Variants in FAM200B observed in about 807,000 individuals in gnomAD.
The protein encoded by FAM200B is protein FAM200B.
Under a neutral mutation model 33.1 loss-of-function variants are expected in FAM200B, and 32 were observed. That is an observed-to-expected ratio of 0.97 (90% CI 0.73 to 1.30). The LOEUF is 1.30. FAM200B is among the 50% of genes most tolerant of loss of function. FAM200B has a pLI of 0.00. For synonymous variants in FAM200B, 240 were observed against 264.8 expected, an observed-to-expected ratio of 0.91 and a Z score of 0.91; for missense variants, 741 against 754.0, an observed-to-expected ratio of 0.98 and a Z score of 0.20.
the FAM200B span, among the ~76,000 whole-genome samples, chr4:15,645,409 C>G: frequency 6.6e-6 from 1 of 151,978 alleles, no homozygotes; most frequent in East Asian, 1.9e-4. Flanking sequence ...AACTGTGTAA[C>G]CCTGGGTAAG....
chr4:15,651,575 G>C, the FAM200B span, among the ~76,000 whole-genome samples: 1 of 152,076 alleles, frequency 6.6e-6, no homozygotes, highest in Non-Finnish European at 1.5e-5. Context: ...CAGGTATGCA[G>C]AAAAATGGCG....
At position 15,689,723 on chromosome 4, in the gene FAM200B, T is replaced by C. The variant is rs1281370086; in HGVS notation, c.*772T>C. 6.2e-6 allele frequency: 1 copy of C among 160,378 alleles called. No individual in the cohort carries two copies. Among genetic ancestry groups the C allele is most frequent in the Non-Finnish European group, 1.5e-5 (1 of 68,102 alleles). 9.9% of individuals were successfully genotyped at this position (160,378 alleles called of 1,614,324 possible). On this transcript the variant is annotated 3_prime_UTR_variant, in exon 2 of 2. Transcript: ENST00000422728. ...CCTCAGGAGTTTGAAGTTGCAGTCA[T>C]CTATGATTGCACCACTGCAGTCCAG...
rs1033332143 is a variant in FAM200B at position 15,688,601 on chromosome 4, G to A, written c.1624G>A (p.Ala542Thr). Residue 542 changes from alanine to threonine, a missense_variant, in exon 2 of 2, where the codon GCT becomes ACT. Coordinates refer to ENST00000422728, the MANE Select transcript of FAM200B (RefSeq NM_001145191.2). ...RENSWVKDPF[A>T]FRHPESIIEL... The stretch of plus-strand genomic sequence containing the variant: ...AAACAGTTGGGTAAAAGATCCATTT[G>A]CTTTTCGACACCCTGAATCAATAAT... 3.9e-6 allele frequency: 6 copies of A among 1,551,032 alleles called. No individual in the cohort carries two copies. In the African/African-American group the frequency reaches 4.1e-5, roughly 11 times the overall value.
chr4:15,650,257 T>C, the FAM200B span, among the ~76,000 whole-genome samples: 3 of 152,370 alleles, frequency 2.0e-5, no homozygotes, highest in South Asian at 4.1e-4. Context: ...TAAGAAATGT[T>C]GCTCTAGAAA....
At chr4:15,672,957 G>A in the FAM200B span, among the ~76,000 whole-genome samples, 1 of 151,758 alleles carries the variant, frequency 6.6e-6, no homozygotes, top group Non-Finnish European at 1.5e-5. Flanking sequence ...CTTACACAGG[G>A]TCACAATCAA....
chr4:15,661,426 T>C, the FAM200B span, among the ~76,000 whole-genome samples: 2 of 152,224 alleles, frequency 1.3e-5, no homozygotes, highest in South Asian at 4.1e-4. Flanking sequence ...GCACTAAATG[T>C]TAGCTATTTT....
chr4:15,653,999 T>A, the FAM200B span, among the ~76,000 whole-genome samples: 1 of 152,256 alleles, frequency 6.6e-6, no homozygotes, highest in East Asian at 1.9e-4. Flanking sequence ...GTGAACTGGG[T>A]GTTTCTAAAT....
chr4:15,677,767 G>A (rs1477949282), upstream of FAM200B, among the ~76,000 whole-genome samples: 1 of 152,150 alleles, frequency 6.6e-6, no homozygotes, highest in African/African-American at 2.4e-5. Context: ...TAAATATAGT[G>A]CTTTCCTAAG....
chr4:15,687,876 C>T lies in FAM200B; in HGVS notation c.899C>T (p.Ala300Val). The change falls in exon 2 of 2, where the codon GCA (alanine) becomes GTA (valine). Residue 300 changes from alanine (A) to valine (V), a missense_variant. Coordinates refer to ENST00000422728, the MANE Select transcript of FAM200B (RefSeq NM_001145191.2). Reference protein sequence around the residue: ...NCKGITSDGTATMTGKHSRVI... With the variant: ...NCKGITSDGTVTMTGKHSRVI... ...AAAGGAATTACAAGTGATGGCACAG[C>T]AACCATGACTGGAAAACATAGCAGA... is the stretch of plus-strand genomic sequence containing the variant. 1 of 1,551,120 alleles carries T rather than the reference C, an allele frequency of 6.4e-7. No homozygotes were observed. The highest frequency in any genetic ancestry group is 8.7e-7 in the Non-Finnish European group (1 of 1,146,600).
At chr4:15,661,541 A>G in the FAM200B span, among the ~76,000 whole-genome samples, 1 of 152,234 alleles carries the variant, frequency 6.6e-6, no homozygotes, top group Non-Finnish European at 1.5e-5. Context: ...TCTTTAGGTT[A>G]ATTCTACAAA....
At chr4:15,657,106 C>G in the FAM200B span, among the ~76,000 whole-genome samples, 1 of 152,178 alleles carries the variant, frequency 6.6e-6, no homozygotes, top group African/African-American at 2.4e-5. Context: ...GTTTCTCGTT[C>G]TTTTGCCAGG....
chr4:15,654,342 T>C, the FAM200B span, among the ~76,000 whole-genome samples: 4 of 152,208 alleles, frequency 2.6e-5, no homozygotes, highest in African/African-American at 9.7e-5. Flanking sequence ...ATACGTGGAA[T>C]GTTAATATTG....
the FAM200B span, among the ~76,000 whole-genome samples, chr4:15,672,941 C>T: frequency 0.036 from 5,547 of 152,000 alleles, 209 homozygotes; most frequent in East Asian, 0.22. Flanking sequence ...CACAAATTAG[C>T]CTAGACTTAC....
chr4:15,676,970 C>T (rs905462487), upstream of FAM200B, among the ~76,000 whole-genome samples: 3 of 152,114 alleles, frequency 2.0e-5, no homozygotes, highest in Non-Finnish European at 4.4e-5. Flanking sequence ...ATGATATGTT[C>T]TATATTTATT....
chr4:15,642,479 G>A, the FAM200B span, among the ~76,000 whole-genome samples: 1 of 151,954 alleles, frequency 6.6e-6, no homozygotes. Flanking sequence ...CAAGTGATCT[G>A]CCCGCCTCAG....
At chr4:15,665,111 G>A in the FAM200B span, among the ~76,000 whole-genome samples, 3 of 152,078 alleles carry the variant, frequency 2.0e-5, no homozygotes, top group East Asian at 1.9e-4. Flanking sequence ...ACTGAGCCAC[G>A]TGTCTCTCCC....
the FAM200B span, chr4:15,655,288 C>A: frequency 7.0e-6 from 10 of 1,424,600 alleles, no homozygotes; most frequent in East Asian, 3.2e-5. Flanking sequence ...AGGGCGCCAT[C>A]GCCACTGCCT....
chr4:15,668,605 T>C, the FAM200B span, among the ~76,000 whole-genome samples: 2 of 152,142 alleles, frequency 1.3e-5, no homozygotes, highest in East Asian at 3.8e-4. Flanking sequence ...ATGAAGATAA[T>C]TTAATATGTG....
chr4:15,640,992 G>A, the FAM200B span: 1 of 535,078 alleles, frequency 1.9e-6, no homozygotes, highest in Non-Finnish European at 3.3e-6. Flanking sequence ...AAAAAAAATA[G>A]ACAAATTGCA....
Sources: allele counts gnomAD v4.1 joint callset (sites outside exome capture counted in the v4.1 genomes callset), GRCh38; gene constraint gnomAD v4.1.1; transcripts MANE v1.5; gene names NCBI Gene and HGNC (gene_info 2026-07-23, HGNC 2026-07-21).